The following FKBP15 variants were observed in gnomAD, a reference collection of about 807,000 sequenced individuals.
FKBP15 encodes the protein FK506-binding protein 15.
FKBP15 carries 106 observed loss-of-function variants against 158.1 expected under a neutral mutation model. That is an observed-to-expected ratio of 0.67 (90% CI 0.57 to 0.79). The LOEUF is 0.79. FKBP15 is among the 30% of genes least tolerant of loss of function. The pLI is 0.00. For synonymous variants in FKBP15, 547 were observed against 548.6 expected, an observed-to-expected ratio of 1.00 and a Z score of 0.04; for missense variants, 1,287 against 1,479.1, an observed-to-expected ratio of 0.87 and a Z score of 2.13.
Position 113,221,060 on chromosome 9 carries a change from A to G in FKBP15, c.53+131T>C. On this transcript the variant is annotated intron_variant, in intron 1 of 27. Coordinates refer to ENST00000238256, the MANE Select transcript of FKBP15 (RefSeq NM_015258.2). ...GTTCTGCCCAGATTCTGAGAGGTGT[A>G]GAGCACCGGAATGTGGCAAGGGTCT... The G allele has an allele frequency of 4.1e-6, 4 of 964,244 alleles. No individual in the cohort carries two copies. In the South Asian group the frequency reaches 4.9e-5, roughly 12 times the overall value. The allele number at this position is 964,244 out of a possible 1,614,324, so 59.7% of individuals were successfully genotyped here.
At chr9:113,179,729 C>G (rs868405339) in intron 19 of FKBP15, among the ~76,000 whole-genome samples, 1 of 151,328 alleles carries the variant, frequency 6.6e-6, no homozygotes, top group Non-Finnish European at 1.5e-5. Flanking sequence ...CACTGCTCTG[C>G]CTGTGGGGTA....
intron 24 of FKBP15, among the ~76,000 whole-genome samples, 183 bp downstream of exon 24, chr9:113,171,398 C>G (rs1202602587): frequency 6.6e-6 from 1 of 152,216 alleles, no homozygotes; most frequent in Non-Finnish European, 1.5e-5. Flanking sequence ...TGCACTCTAG[C>G]CTGGTGACAA....
At chr9:113,173,144 T>C (rs1830243281) in intron 23 of FKBP15, among the ~76,000 whole-genome samples, 1 of 152,234 alleles carries the variant, frequency 6.6e-6, no homozygotes, top group Non-Finnish European at 1.5e-5. Flanking sequence ...GGGTTCCTTG[T>C]ATGCACTTCC....
chr9:113,209,432 C>G (rs1029112098), intron 2 of FKBP15, among the ~76,000 whole-genome samples: 2 of 152,218 alleles, frequency 1.3e-5, no homozygotes, highest in Non-Finnish European at 2.9e-5. Context: ...AATATAAAAG[C>G]ATAGCCTACT....
In FKBP15 at chr9:113,169,223, C is replaced by T. The variant is rs1469636733; in HGVS notation, c.3485+1G>A. 3 of 1,611,028 alleles carry T rather than the reference C, an allele frequency of 1.9e-6. No homozygotes were observed. Among genetic ancestry groups the T allele is most frequent in the Admixed American group, 3.3e-5 (2 of 59,888 alleles). ...CTGAAGCAGTGCTCAGAGGAACATA[C>T]CTGGAACGCTGGGAATGATGGCTGG... On this transcript the variant is annotated splice_donor_variant, in intron 26 of 27. Transcript: ENST00000238256. LOFTEE classifies it high-confidence loss of function.
rs1003461883 is a variant in FKBP15, at chr9:113,164,572, A to AT, written c.*1505dup. 2.6e-4 allele frequency: 39 copies of AT among 152,256 alleles called. No homozygotes were observed. Among genetic ancestry groups the AT allele is most frequent in the Admixed American group, 1.2e-3 (18 of 15,282 alleles). 9.4% of individuals were successfully genotyped at this position (152,256 alleles called of 1,614,324 possible). On this transcript the variant is annotated 3_prime_UTR_variant, in exon 28 of 28. Coordinates refer to ENST00000238256, the MANE Select transcript of FKBP15 (RefSeq NM_015258.2). ...TCACACCTTTAGGACTGATCAGGGC[A>AT]TTCCCCCATGTTTGCAGGGAACTGG...
chr9:113,203,504 G>C (rs1196523214), intron 4 of FKBP15, among the ~76,000 whole-genome samples: 1 of 150,682 alleles, frequency 6.6e-6, no homozygotes, highest in African/African-American at 2.4e-5. Context: ...CCAATATTCT[G>C]ACTTCTGTCG....
chr9:113,190,382 T>C (rs1192156425), intron 12 of FKBP15, 89 bp downstream of exon 12: 3 of 1,066,408 alleles, frequency 2.8e-6, no homozygotes, highest in Non-Finnish European at 4.2e-6. Context: ...GATTCTGCCT[T>C]AGAGAAAAAA....
At chr9:113,207,320 G>A (rs764302800) in intron 2 of FKBP15, 24 bp from the exon 3 acceptor site, 3 of 1,555,478 alleles carry the variant, frequency 1.9e-6, no homozygotes, top group Admixed American at 3.6e-5. Flanking sequence ...AGAAAACAAA[G>A]TTGTCATTCA....
rs777030929 is a variant in FKBP15, at chr9:113,178,767, G to A, written c.1949C>T (p.Ala650Val). 6.8e-6 allele frequency: 11 copies of A among 1,609,142 alleles called. 1 individual carries two copies. Among genetic ancestry groups the A allele is most frequent in the Admixed American group, 5.1e-5 (3 of 59,362 alleles). ...TTTCAGCTGCAGATGAGAGACCTGT[G>A]CAGTGGCCGCTGCTAACTCCTCTGT... ...KVTEELAAATAQVSHLQLKMT... is the reference protein window; with the variant it reads ...KVTEELAAATVQVSHLQLKMT... The change falls in exon 20 of 28, where the codon GCA becomes GTA. Residue 650 changes from alanine to valine, a missense_variant. By Grantham distance (64) the Ala-to-Val change is moderately conservative. Coordinates refer to ENST00000238256, the MANE Select transcript of FKBP15 (RefSeq NM_015258.2).
In FKBP15 at chr9:113,162,785, T is replaced by C. The variant is rs1170173296; in HGVS notation, c.*3293A>G. ...GTCACTTTGGCCAGTCTCTAATCCA[T>C]GTCATCCAGGTGGTCATCGGCTACT... On this transcript the variant is annotated 3_prime_UTR_variant, in exon 28 of 28. Coordinates refer to ENST00000238256, the MANE Select transcript of FKBP15 (RefSeq NM_015258.2). The C allele has an allele frequency of 4.3e-6, 7 of 1,613,886 alleles. No individual in the cohort carries two copies. The highest frequency in any genetic ancestry group is 2.2e-5 in the East Asian group (1 of 44,860).
chr9:113,165,967 G>A lies in FKBP15; in HGVS notation c.*111C>T. 3.0e-6 allele frequency: 3 copies of A among 1,000,498 alleles called. No individual in the cohort carries two copies. Among genetic ancestry groups the A allele is most frequent in the Non-Finnish European group, 4.4e-6 (3 of 678,784 alleles). The allele number at this position is 1,000,498 out of a possible 1,614,324, so 62.0% of individuals were successfully genotyped here. A position where few individuals can be genotyped will look rare whatever the true frequency, so the allele number is the denominator to read the frequency against. Reference sequence around the variant, plus strand: ...CCTCTGAGCCCAAATATTGTTCCCAGAATGCTCACCTTGACCTCACCCTGT... The same window carrying A: ...CCTCTGAGCCCAAATATTGTTCCCAAAATGCTCACCTTGACCTCACCCTGT... On this transcript the variant is annotated 3_prime_UTR_variant, in exon 28 of 28. Transcript: ENST00000238256.
intron 2 of FKBP15, among the ~76,000 whole-genome samples, chr9:113,210,261 G>A (rs1360496073): frequency 1.3e-5 from 2 of 151,304 alleles, no homozygotes; most frequent in Admixed American, 6.6e-5. Flanking sequence ...AACCTGGCAT[G>A]TCACTTTTGG....
rs375880425 is a variant in FKBP15 at position 113,188,608 on chromosome 9, G to A, written c.1174-117C>T. The A allele has an allele frequency of 1.7e-5, 14 of 806,414 alleles. No homozygotes were observed. In the African/African-American group the frequency reaches 1.9e-4, roughly 11 times the overall value. The allele number at this position is 806,414 out of a possible 1,614,324, so 50.0% of individuals were successfully genotyped here. A position where few individuals can be genotyped will look rare whatever the true frequency, so the allele number is the denominator to read the frequency against. On this transcript the variant is annotated intron_variant, in intron 12 of 27. Transcript: ENST00000238256. ...AGGATTTCTAGGCAAAGAAGAGGAA[G>A]GAAAGGTAAGCGGAAGGCCAAGAGT...
In FKBP15 at chr9:113,162,729, T is replaced by C; in HGVS notation, c.*3349A>G. ...TACCAGCTCATTACCAGGATTAACT[T>C]GCTTCTCCTTTTTATCTAGGTGGTA... On this transcript the variant is annotated 3_prime_UTR_variant, in exon 28 of 28. Coordinates refer to ENST00000238256, the MANE Select transcript of FKBP15 (RefSeq NM_015258.2). 1 of 1,601,806 alleles carries C rather than the reference T, an allele frequency of 6.2e-7. No individual in the cohort carries two copies.
Position 113,188,701 on chromosome 9 carries a change from T to C in FKBP15, c.1174-210A>G, listed in dbSNP as rs569254976. On this transcript the variant is annotated intron_variant, in intron 12 of 27. Coordinates refer to ENST00000238256, the MANE Select transcript of FKBP15 (RefSeq NM_015258.2). ...AAAGTAAGAGTCCTTCTCCCTATAA[T>C]CATATTGAATAAGTAAATATAGTTA... 4.0e-4 allele frequency: 209 copies of C among 520,460 alleles called. 1 individual carries two copies. In the East Asian group the frequency reaches 6.5e-3, roughly 16 times the overall value. 32.2% of individuals were successfully genotyped at this position (520,460 alleles called of 1,614,324 possible).
chr9:113,211,093 A>C (rs4607690), intron 2 of FKBP15, among the ~76,000 whole-genome samples: 124,717 of 152,040 alleles, frequency 0.82, 51,245 homozygotes, highest in South Asian at 0.89. Flanking sequence ...CAATAAACTC[A>C]CTTTCACACA....
rs982803121 is a variant in FKBP15 at position 113,169,808 on chromosome 9, C to T, written c.2901G>A (p.Gln967=). 5.1e-6 allele frequency: 8 copies of T among 1,573,150 alleles called. No homozygotes were observed. The highest frequency in any genetic ancestry group is 6.9e-6 in the Non-Finnish European group (8 of 1,158,436). Residue 967 remains glutamine, a synonymous_variant, in exon 26 of 28, where the codon CAG becomes CAA. Transcript: ENST00000238256. ...QEQSASASSG[Q]PQAPLNRERP... ...TCTCCCTATTCAGGGGTGCTTGAGG[C>T]TGCCCAGAACTGGCTGAGGCTGACT...
chr9:113,176,518 A>G lies in FKBP15; in HGVS notation c.2223+19T>C. On this transcript the variant is annotated intron_variant, in intron 21 of 27. Coordinates refer to ENST00000238256, the MANE Select transcript of FKBP15 (RefSeq NM_015258.2). ...TTTATTAAACAGCTAATTCTGGCCA[A>G]CTGGGTTGTAGAGCTTACCTTTTCC... 1.3e-6 allele frequency: 2 copies of G among 1,550,144 alleles called. No homozygotes were observed. The highest frequency in any genetic ancestry group is 8.7e-7 in the Non-Finnish European group (1 of 1,146,196).
Sources: gnomAD v4.1 joint callset for allele counts (sites outside exome capture counted in the v4.1 genomes callset) on GRCh38, gnomAD v4.1.1 for gene constraint, MANE v1.5 for transcripts, NCBI Gene and HGNC (gene_info 2026-07-23, HGNC 2026-07-21) for gene names.